RMST: variants seen among roughly 807,000 people sequenced by gnomAD.
RMST encodes the protein rhabdomyosarcoma 2 associated transcript.
intron 10 of RMST, among the ~76,000 whole-genome samples, chr12:97,518,069 A>C (rs919921776): frequency 6.6e-6 from 1 of 152,080 alleles, no homozygotes; most frequent in African/African-American, 2.4e-5. Context: ...TATTTCTCTG[A>C]ATGGTTAGAA....
chr12:97,465,673 A>C (rs1873102881), exon 5 of RMST: 1 of 152,140 alleles, frequency 6.6e-6, no homozygotes, highest in South Asian at 2.1e-4. Context: ...GCCAGCGCTG[A>C]ATATCTTCAG....
At chr12:97,495,231 A>G (rs1196208802) in intron 9 of RMST, among the ~76,000 whole-genome samples, 1 of 151,910 alleles carries the variant, frequency 6.6e-6, no homozygotes, top group African/African-American at 2.4e-5. Context: ...ACAAAATTTG[A>G]CTTTTGATGT....
chr12:97,496,467 T>C (rs941461683), intron 10 of RMST, among the ~76,000 whole-genome samples: 4 of 152,204 alleles, frequency 2.6e-5, no homozygotes, highest in Non-Finnish European at 5.9e-5. Flanking sequence ...TTACAAAATT[T>C]TACGTGTCAT....
intron 11 of RMST, chr12:97,533,357 A>T (rs532432723): frequency 1.7e-4 from 26 of 151,908 alleles, no homozygotes; most frequent in African/African-American, 6.3e-4. Flanking sequence ...AATCTACATG[A>T]TGTCTCCTGG....
chr12:97,517,721 C>CT (rs1177266281), intron 10 of RMST, among the ~76,000 whole-genome samples: 10 of 152,082 alleles, frequency 6.6e-5, no homozygotes, highest in Admixed American at 2.6e-4. Context: ...TTGTCTCACA[C>CT]TTTTTTTCTG....
chr12:97,467,311 G>T (rs372207420), intron 5 of RMST, among the ~76,000 whole-genome samples: 7 of 151,872 alleles, frequency 4.6e-5, no homozygotes, highest in East Asian at 3.9e-4. Context: ...AGCTTTTAAA[G>T]AATCATATCT....
At chr12:97,551,489 A>T (rs913228934) in intron 11 of RMST, among the ~76,000 whole-genome samples, 4 of 152,162 alleles carry the variant, frequency 2.6e-5, no homozygotes, top group Non-Finnish European at 5.9e-5. Context: ...CAGAACAAAG[A>T]AGAGTTGATG....
At chr12:97,550,369 C>T (rs1364592757) in intron 11 of RMST, among the ~76,000 whole-genome samples, 1 of 151,760 alleles carries the variant, frequency 6.6e-6, no homozygotes, top group African/African-American at 2.4e-5. Context: ...TCCAGCTTGG[C>T]CAACAAGACT....
chr12:97,512,491 C>G (rs978913364), intron 10 of RMST, among the ~76,000 whole-genome samples: 1 of 152,114 alleles, frequency 6.6e-6, no homozygotes, highest in Admixed American at 6.6e-5. Context: ...CTGATTGGTG[C>G]GTTTACAATC....
At chr12:97,514,949 C>CT (rs1879783082) in intron 10 of RMST, among the ~76,000 whole-genome samples, 2 of 152,112 alleles carry the variant, frequency 1.3e-5, no homozygotes, top group African/African-American at 4.8e-5. Context: ...TTTGTGAAAC[C>CT]TTTTTTTGTG....
At position 97,540,763 on chromosome 12, in the gene RMST, A is replaced by G. The variant is rs1882432419; in HGVS notation, n.1545+9904A>G. Among the ~76,000 whole-genome samples the G allele has an allele frequency of 2.0e-5, 3 of 151,670 alleles. No homozygotes were observed. The South Asian group carries it at 6.2e-4, about 31-fold the overall frequency. On this transcript the variant is annotated intron_variant and non_coding_transcript_variant, in intron 11 of 13. Coordinates refer to ENST00000640149, the Ensembl canonical transcript of RMST. ...GCCTAACGTCAAGTTTATACTCAGT[A>G]AATAATAACTATAATTACTGCATAA...
chr12:97,563,933 G>C (rs1884336613), intron 13 of RMST: 1 of 491,902 alleles, frequency 2.0e-6, no homozygotes, highest in African/African-American at 2.0e-5. Flanking sequence ...GGGGCCATCA[G>C]TATAGAGAAC....
chr12:97,542,203 T>A, intron 11 of RMST, among the ~76,000 whole-genome samples: 1 of 151,960 alleles, frequency 6.6e-6, no homozygotes, highest in Non-Finnish European at 1.5e-5. Context: ...TCTATAAAAT[T>A]GAGTTGATCA....
intron 11 of RMST, among the ~76,000 whole-genome samples, chr12:97,546,812 T>G (rs1332022779): frequency 6.6e-6 from 1 of 152,074 alleles, no homozygotes; most frequent in Non-Finnish European, 1.5e-5. Flanking sequence ...TTGTATGTGA[T>G]GAGAACACTT....
chr12:97,551,428 C>T (rs1281880907), intron 11 of RMST, among the ~76,000 whole-genome samples: 1 of 152,054 alleles, frequency 6.6e-6, no homozygotes, highest in Non-Finnish European at 1.5e-5. Context: ...AAAGGAATGG[C>T]ATGAGGTGAA....
chr12:97,487,555 G>A (rs1876250248), intron 5 of RMST, among the ~76,000 whole-genome samples: 1 of 152,144 alleles, frequency 6.6e-6, no homozygotes, highest in Admixed American at 6.5e-5. Flanking sequence ...AGCTGGGGTG[G>A]AGAGAGTGGG....
chr12:97,512,904 C>T (rs988898452), intron 10 of RMST, among the ~76,000 whole-genome samples: 1 of 152,152 alleles, frequency 6.6e-6, no homozygotes, highest in Non-Finnish European at 1.5e-5. Context: ...TCAGGCATGG[C>T]AGGCTGCAGG....
In RMST at chr12:97,532,223, T is replaced by G. The variant is rs7312335; in HGVS notation, n.1545+1364T>G. Among the ~76,000 whole-genome samples, 1,009 of 152,100 alleles carry G rather than the reference T, an allele frequency of 6.6e-3. 5 individuals are homozygous for G. The highest frequency in any genetic ancestry group is 0.016 in the African/African-American group (665 of 41,526). The stretch of plus-strand genomic sequence containing the variant: ...AGGAGAATGTTTTTCTTTTAATAAC[T>G]ATCTTTTTGTTTCTCTTTTGTTTCC... On this transcript the variant is annotated intron_variant and non_coding_transcript_variant, in intron 11 of 13. Coordinates refer to ENST00000640149, the Ensembl canonical transcript of RMST.
At chr12:97,480,072 C>CTT (rs1468915486) in intron 5 of RMST, among the ~76,000 whole-genome samples, 3 of 148,026 alleles carry the variant, frequency 2.0e-5, no homozygotes, top group Non-Finnish European at 4.5e-5. Context: ...TTTTTCTTTT[C>CTT]TTTTCTTTTC....
Sources: gnomAD v4.1 joint callset for allele counts (sites outside exome capture counted in the v4.1 genomes callset) on GRCh38, gnomAD v4.1.1 for gene constraint, MANE v1.5 for transcripts, NCBI Gene and HGNC (gene_info 2026-07-23, HGNC 2026-07-21) for gene names.